The following KALRN variants were observed in gnomAD, a reference collection of about 807,000 sequenced individuals.
KALRN encodes kalirin RhoGEF kinase.
A neutral mutation model predicts 353.7 loss-of-function variants in KALRN; 70 were observed. The ratio of observed to expected loss-of-function variants is 0.20; its 90% CI spans 0.16 to 0.24. The LOEUF (loss-of-function observed/expected upper bound fraction) is 0.24. KALRN is among the 10% of genes least tolerant of loss of function. The pLI is 1.00. For missense variants in KALRN, 2,791 were observed against 3,756.7 expected (o/e 0.74, Z 6.72); for synonymous variants, 1,391 against 1,434.8 (o/e 0.97, Z 0.69).
intron 2 of KALRN, among the ~76,000 whole-genome samples, chr3:124,233,715 C>T (rs1019387093): frequency 2.0e-5 from 3 of 152,128 alleles, no homozygotes; most frequent in Non-Finnish European, 2.9e-5. Flanking sequence ...AGACTCTGCC[C>T]TCTGTGTAAG....
At chr3:124,128,198 T>C (rs1473653297) in intron 1 of KALRN, among the ~76,000 whole-genome samples, 3 of 152,176 alleles carry the variant, frequency 2.0e-5, no homozygotes, top group Non-Finnish European at 4.4e-5. Flanking sequence ...CTAACTTTTC[T>C]CAAGTTATTA....
Position 124,309,700 on chromosome 3 carries a change from A to G in KALRN, c.1092+10787A>G, listed in dbSNP as rs916346708. Among the ~76,000 whole-genome samples, 11 of 152,352 alleles carry G rather than the reference A, an allele frequency of 7.2e-5. No individual in the cohort carries two copies. In the East Asian group the frequency reaches 2.1e-3, roughly 29 times the overall value. On this transcript the variant is annotated intron_variant, in intron 6 of 59. Transcript: ENST00000682506. ...AAACAAAAATCATGTGATCATCTCA[A>G]TAGACCCAGAAAAAGCATTTGACAA... is the stretch of plus-strand genomic sequence containing the variant.
intron 5 of KALRN, among the ~76,000 whole-genome samples, chr3:124,286,805 C>T (rs2075957029): frequency 6.6e-6 from 1 of 152,122 alleles, no homozygotes; most frequent in East Asian, 1.9e-4. Flanking sequence ...TCTGCTAATT[C>T]ATATCTGGAT....
chr3:124,090,909 C>T (rs1047696845), intron 1 of KALRN, among the ~76,000 whole-genome samples: 1 of 152,178 alleles, frequency 6.6e-6, no homozygotes, highest in Non-Finnish European at 1.5e-5. Flanking sequence ...CTGGAAAGGG[C>T]CTCTTGGGAG....
At chr3:124,183,897 A>G (rs1246451200) in intron 1 of KALRN, among the ~76,000 whole-genome samples, 1 of 152,218 alleles carries the variant, frequency 6.6e-6, no homozygotes, top group East Asian at 1.9e-4. Context: ...GACTTAAAAG[A>G]TGGACCTGCT....
At chr3:124,368,790 G>C (rs1003048790) in intron 10 of KALRN, among the ~76,000 whole-genome samples, 2 of 151,930 alleles carry the variant, frequency 1.3e-5, no homozygotes, top group Admixed American at 6.5e-5. Context: ...CTGAGTGAAC[G>C]AGACTCCGTC....
chr3:124,178,489 A>C (rs1383548052), intron 1 of KALRN, among the ~76,000 whole-genome samples: 1 of 152,188 alleles, frequency 6.6e-6, no homozygotes, highest in African/African-American at 2.4e-5. Flanking sequence ...ACTACTATAC[A>C]CCTAGGCTGT....
At chr3:124,261,046 CT>C (rs11385774) in intron 3 of KALRN, among the ~76,000 whole-genome samples, 334 of 142,674 alleles carry the variant, frequency 2.3e-3, no homozygotes, top group Middle Eastern at 3.7e-3. Flanking sequence ...CTTGGGTTTT[CT>C]TTTTTTTTTT....
intron 37 of KALRN, among the ~76,000 whole-genome samples, chr3:124,645,393 C>G (rs899100997): frequency 1.3e-5 from 2 of 152,136 alleles, no homozygotes; most frequent in African/African-American, 4.8e-5. Context: ...TAATCATAGT[C>G]TTTGCCCATG....
intron 25 of KALRN, among the ~76,000 whole-genome samples, chr3:124,464,123 C>T (rs2060108148): frequency 6.6e-6 from 1 of 152,198 alleles, no homozygotes; most frequent in South Asian, 2.1e-4. Context: ...TCAGTATCAT[C>T]CCATCTCCCT....
intron 1 of KALRN, among the ~76,000 whole-genome samples, chr3:124,092,754 A>G (rs1283708546): frequency 1.3e-5 from 2 of 152,348 alleles, no homozygotes; most frequent in East Asian, 3.9e-4. Flanking sequence ...CTTTTGGAAC[A>G]TGGATTTTCT....
chr3:124,492,950 C>A, intron 32 of KALRN, 68 bp downstream of exon 32: 2 of 1,566,188 alleles, frequency 1.3e-6, no homozygotes, highest in Non-Finnish European at 1.7e-6. Context: ...TGGGATGAAT[C>A]TTTGCTTCTG....
intron 34 of KALRN, among the ~76,000 whole-genome samples, chr3:124,616,826 A>G (rs896429664): frequency 3.9e-5 from 6 of 151,908 alleles, no homozygotes; most frequent in Admixed American, 3.3e-4. Context: ...TTAGCCGGAC[A>G]TGGTGGCCGG....
chr3:124,480,703 C>T (rs1035649782), intron 27 of KALRN, among the ~76,000 whole-genome samples: 1 of 152,176 alleles, frequency 6.6e-6, no homozygotes, highest in African/African-American at 2.4e-5. Flanking sequence ...CACCCCCCAG[C>T]TCTCCACCAC....
intron 33 of KALRN, among the ~76,000 whole-genome samples, chr3:124,521,516 C>A (rs1294030419): frequency 6.6e-6 from 1 of 152,186 alleles, no homozygotes; most frequent in Non-Finnish European, 1.5e-5. Flanking sequence ...ACTGTTTTCC[C>A]TACCCTAATA....
intron 1 of KALRN, among the ~76,000 whole-genome samples, chr3:124,150,104 A>G (rs2067891592): frequency 6.6e-6 from 1 of 152,218 alleles, no homozygotes; most frequent in African/African-American, 2.4e-5. Context: ...CTTGCTGGTT[A>G]TGTAAATATT....
rs1254158073 is a variant in KALRN at position 124,720,195 on chromosome 3, TC to T, written c.*726del. On this transcript the variant is annotated 3_prime_UTR_variant, in exon 60 of 60. Coordinates refer to ENST00000682506, the MANE Select transcript of KALRN (RefSeq NM_001388419.1). ...TGCCCTTTTGAATGAGAAAATTTTT[TC>T]TGTCAATCGCAGGTTATTTGATTAA... 1.3e-5 allele frequency: 2 copies of T among 152,656 alleles called. No individual in the cohort carries two copies. Among genetic ancestry groups the T allele is most frequent in the African/African-American group, 4.8e-5 (2 of 41,466 alleles). The allele number at this position is 152,656 out of a possible 1,614,324, so 9.5% of individuals were successfully genotyped here. A position where few individuals can be genotyped will look rare whatever the true frequency, so the allele number is the denominator to read the frequency against.
intron 33 of KALRN, among the ~76,000 whole-genome samples, chr3:124,546,123 T>C (rs1011018432): frequency 3.9e-5 from 6 of 152,072 alleles, no homozygotes; most frequent in African/African-American, 1.4e-4. Context: ...ATAACCACCA[T>C]TGTCCTTTTT....
chr3:124,473,489 A>G (rs2061142249), intron 25 of KALRN, among the ~76,000 whole-genome samples: 1 of 152,180 alleles, frequency 6.6e-6, no homozygotes, highest in Non-Finnish European at 1.5e-5. Context: ...GGAAATAAGA[A>G]TACGTAATTC....
Sources: gnomAD v4.1 joint callset for allele counts (sites outside exome capture counted in the v4.1 genomes callset) on GRCh38, gnomAD v4.1.1 for gene constraint, MANE v1.5 for transcripts, NCBI Gene and HGNC (gene_info 2026-07-23, HGNC 2026-07-21) for gene names.